Variants in VASP observed in about 807,000 individuals in gnomAD.
The protein encoded by VASP is vasodilator-stimulated phosphoprotein.
VASP carries 27 observed loss-of-function variants against 54.4 expected under a neutral mutation model. That is an observed-to-expected ratio of 0.50 (90% CI 0.37 to 0.68). The LOEUF is 0.68. Among genes scored for constraint, VASP ranks in the 30% least tolerant of loss-of-function variants. The probability of loss-of-function intolerance (pLI) is 0.00; values close to 1 mark genes in which losing one functional copy is unlikely to be tolerated. For synonymous variants in VASP, 233 were observed against 209.8 expected (o/e 1.11, Z -0.96); for missense variants, 488 against 528.3 (o/e 0.92, Z 0.75).
rs145722764 is a variant in VASP, at chr19:45,517,949, C to T, written c.198C>T (p.Ile66=). The stretch of plus-strand genomic sequence containing the variant: ...ACCAGGTGGTCATCAACTGTGCCAT[C>T]GTCCGGGGTGTCAAGTATAACCAGG... ...PDQQVVINCA[I]VRGVKYNQAT... Residue 66 remains isoleucine, a synonymous_variant, in exon 3 of 13, where the codon ATC becomes ATT. Coordinates refer to ENST00000245932, the MANE Select transcript of VASP (RefSeq NM_003370.4). The T allele has an allele frequency of 1.3e-5, 20 of 1,581,696 alleles. No individual in the cohort carries two copies. In the South Asian group the frequency reaches 2.1e-4, roughly 17 times the overall value.
intron 11 of VASP, chr19:45,525,701 A>AAAAAG (rs1568391602): frequency 2.5e-6 from 1 of 407,298 alleles, no homozygotes; most frequent in African/African-American, 2.1e-5. Flanking sequence ...GTTTCAAAAA[A>AAAAAG]AAAAAGAAAA....
chr19:45,524,700 T>C lies in VASP; in HGVS notation c.1047+40T>C, dbSNP rs778599039. 5 of 1,593,546 alleles carry C rather than the reference T, an allele frequency of 3.1e-6. No homozygotes were observed. In the Admixed American group the frequency reaches 6.8e-5, roughly 22 times the overall value. On this transcript the variant is annotated intron_variant, in intron 11 of 12. Transcript: ENST00000245932. ...AAGTTGGGGACCACAGCAAGAGAGA[T>C]CTAGGTCTGGCCCCTGCCACTGGCA...
rs186620627 is a variant in VASP at position 45,519,124 on chromosome 19, C to G, written c.343+1030C>G. 1.4e-3 allele frequency among the ~76,000 whole-genome samples: 217 copies of G among 152,352 alleles called. 1 individual carries two copies. The highest frequency in any genetic ancestry group is 5.1e-3 in the African/African-American group (211 of 41,584). ...CCGCCTCCCGGGTTCAAGCGATTCT[C>G]CTGCCCTAGCCTCCCGAGTAGCTGG... On this transcript the variant is annotated intron_variant, in intron 3 of 12. Coordinates refer to ENST00000245932, the MANE Select transcript of VASP (RefSeq NM_003370.4).
chr19:45,512,485 A>C (rs1026402141), intron 1 of VASP, among the ~76,000 whole-genome samples: 1 of 151,792 alleles, frequency 6.6e-6, no homozygotes, highest in African/African-American at 2.4e-5. Flanking sequence ...ACAGGGTTTC[A>C]CCATGTTGGT....
chr19:45,524,682 G>A, intron 11 of VASP, 22 bp downstream of exon 11: 1 of 1,609,916 alleles, frequency 6.2e-7, no homozygotes. Context: ...GGGAAGTTGG[G>A]GACCACAGCA....
intron 3 of VASP, among the ~76,000 whole-genome samples, chr19:45,520,490 G>T (rs1462887297): frequency 6.6e-6 from 1 of 152,210 alleles, no homozygotes; most frequent in African/African-American, 2.4e-5. Flanking sequence ...CTCCTCTGGG[G>T]CACACAGAAA....
intron 7 of VASP, among the ~76,000 whole-genome samples, chr19:45,523,280 G>A (rs1471193428): frequency 7.8e-6 from 1 of 128,552 alleles, no homozygotes; most frequent in Non-Finnish European, 1.5e-5. Flanking sequence ...TCGGTCCACT[G>A]CAACCTCCGC....
chr19:45,523,038 G>A (rs976434894), intron 7 of VASP, among the ~76,000 whole-genome samples: 8 of 152,050 alleles, frequency 5.3e-5, no homozygotes, highest in South Asian at 4.1e-4. Flanking sequence ...TTCTAGAACC[G>A]TAGGAGATCC....
chr19:45,525,788 G>A (rs1185361530), intron 11 of VASP, 158 bp from the exon 12 acceptor site: 2 of 655,088 alleles, frequency 3.1e-6, no homozygotes, highest in Non-Finnish European at 5.2e-6. Context: ...AGGATTACCT[G>A]AGCCTGGGAA....
chr19:45,514,922 CTG>C (rs1036872640), intron 1 of VASP, among the ~76,000 whole-genome samples: 4 of 152,230 alleles, frequency 2.6e-5, no homozygotes, highest in Admixed American at 2.0e-4. Flanking sequence ...AGCTGTGTGA[CTG>C]TGGGCAAGTC....
rs779254044 is a variant in VASP, at chr19:45,518,079, C to G, written c.328C>G (p.Leu110Val). ...GTTTGCCGCCGGCATGGCCAGTGCC[C>G]TAGAGGCGTTGGAAGGTCAGAAATG... Reference protein sequence around the residue: ...AQFAAGMASALEALEGGGPPP... With the variant: ...AQFAAGMASAVEALEGGGPPP... Residue 110 changes from leucine to valine, a missense_variant, in exon 3 of 13, where the codon CTA becomes GTA. By Grantham distance (32) the Leu-to-Val change is conservative (BLOSUM62 1). This residue lies in a region of VASP where 127 missense variants were observed against 170.7 expected (regional missense o/e 0.74). Transcript: ENST00000245932. 4.3e-6 allele frequency: 7 copies of G among 1,613,300 alleles called. No homozygotes were observed. In the African/African-American group the frequency reaches 9.3e-5, roughly 22 times the overall value.
intron 7 of VASP, 86 bp from the exon 8 acceptor site, chr19:45,523,558 C>T (rs1471496387): frequency 3.0e-5 from 44 of 1,472,590 alleles, no homozygotes; most frequent in South Asian, 1.1e-4. Flanking sequence ...GAATTCTATG[C>T]GCTAGGATCT....
intron 1 of VASP, among the ~76,000 whole-genome samples, chr19:45,514,839 G>T (rs1362519286): frequency 2.6e-5 from 4 of 152,188 alleles, no homozygotes; most frequent in Non-Finnish European, 4.4e-5. Context: ...CCTGGTGTTT[G>T]GGTGGGGCCC....
intron 4 of VASP, 58 bp from the exon 5 acceptor site, chr19:45,522,110 C>A: frequency 6.2e-7 from 1 of 1,609,426 alleles, no homozygotes; most frequent in South Asian, 1.1e-5. Flanking sequence ...TCGCTGGCCC[C>A]TTCGCTGGCC....
Position 45,521,341 on chromosome 19 carries a change from C to T in VASP, c.363C>T (p.Pro121=), listed in dbSNP as rs1397096079. The change falls in exon 4 of 13, where the codon CCC becomes CCT. Residue 121 remains proline, a synonymous_variant. Coordinates refer to ENST00000245932, the MANE Select transcript of VASP (RefSeq NM_003370.4). ...EALEGGGPPP[P]PALPTWSVPN... ...TTTCAGGAGGTGGGCCCCCTCCACC[C>T]CCAGCACTTCCCACCTGGTCGGTCC... 13 of 1,580,528 alleles carry T rather than the reference C, an allele frequency of 8.2e-6. No individual in the cohort carries two copies. Among genetic ancestry groups the T allele is most frequent in the Non-Finnish European group, 1.1e-5 (13 of 1,163,382 alleles).
In VASP at chr19:45,526,319, C is replaced by A; in HGVS notation, c.*142C>A. ...CACTCCCCATCCCACTTGGAAAACT[C>A]CAAGGGGGTGTGGCTTCCCTGCTCA... On this transcript the variant is annotated 3_prime_UTR_variant, in exon 13 of 13. Coordinates refer to ENST00000245932, the MANE Select transcript of VASP (RefSeq NM_003370.4). The A allele has an allele frequency of 9.2e-7, 1 of 1,082,490 alleles. No individual in the cohort carries two copies. Among genetic ancestry groups the A allele is most frequent in the Non-Finnish European group, 1.3e-6 (1 of 786,202 alleles). 67.1% of individuals were successfully genotyped at this position (1,082,490 alleles called of 1,614,324 possible).
intron 1 of VASP, among the ~76,000 whole-genome samples, chr19:45,517,163 AATT>A: frequency 6.7e-6 from 1 of 149,576 alleles, no homozygotes; most frequent in South Asian, 2.1e-4. Flanking sequence ...TAATAATAAT[AATT>A]ATTATTATTA....
intron 1 of VASP, among the ~76,000 whole-genome samples, chr19:45,513,468 C>CTTTTTTTTTGTTT (rs1968640773): frequency 1.1e-5 from 1 of 92,766 alleles, no homozygotes; most frequent in African/African-American, 4.8e-5. Context: ...AGTCTCTCTC[C>CTTTTTTTTTGTTT]TTTTTTTTTT....
chr19:45,522,013 C>G (rs1968846036), intron 4 of VASP, among the ~76,000 whole-genome samples, 155 bp from the exon 5 acceptor site: 1 of 152,174 alleles, frequency 6.6e-6, no homozygotes. Flanking sequence ...TCTCACCCAG[C>G]CCCCTTCTTG....
Sources: allele counts gnomAD v4.1 joint callset (sites outside exome capture counted in the v4.1 genomes callset), GRCh38; gene constraint gnomAD v4.1.1; regional missense constraint gnomAD v4.1.1; transcripts MANE v1.5; gene names NCBI Gene and HGNC (gene_info 2026-07-23, HGNC 2026-07-21).